RNF150: variants seen among roughly 807,000 people sequenced by gnomAD.
RNF150 encodes the protein ring finger protein 150.
RNF150 carries 24 observed loss-of-function variants against 39.3 expected under a neutral mutation model. The observed-to-expected ratio is 0.61, with a 90% CI of 0.44 to 0.86. RNF150 has a LOEUF of 0.86. Ranked by LOEUF, RNF150 falls within the 40% of genes least tolerant of loss-of-function variation. The probability of loss-of-function intolerance (pLI) is 0.00; values close to 1 mark genes in which losing one functional copy is unlikely to be tolerated. For synonymous variants in RNF150, 255 were observed against 227.3 expected, an observed-to-expected ratio of 1.12 and a Z score of -1.10; for missense variants, 502 against 587.8, an observed-to-expected ratio of 0.85 and a Z score of 1.51.
At chr4:141,134,018 T>G (rs1266479092), upstream of RNF150, among the ~76,000 whole-genome samples, 2 of 152,200 alleles carry the variant, frequency 1.3e-5, no homozygotes, top group African/African-American at 2.4e-5. Context: ...GGTATAACAA[T>G]GGGCTTCCTA....
intron 6 of RNF150, among the ~76,000 whole-genome samples, chr4:140,871,961 G>A (rs373446372): frequency 3.3e-5 from 5 of 151,998 alleles, no homozygotes; most frequent in Admixed American, 6.6e-5. Flanking sequence ...AAAATGGTTC[G>A]GTTTTTATGA....
chr4:140,912,981 A>C (rs1730668670), intron 5 of RNF150, among the ~76,000 whole-genome samples: 1 of 130,390 alleles, frequency 7.7e-6, no homozygotes, highest in African/African-American at 2.8e-5. Context: ...AAAAAAAAAA[A>C]AAACACCATG....
chr4:140,860,414 CTTTT>C lies in RNF150; in HGVS notation c.*7843_*7846del, dbSNP rs977899890. ...CCCATGCAAATGTCATCAGGAGTGACTTTTTTGTGATTTTGGGTCAGATGCTATA... is the reference window on the plus strand; with the variant it reads ...CCCATGCAAATGTCATCAGGAGTGACTTGTGATTTTGGGTCAGATGCTATA... On this transcript the variant is annotated 3_prime_UTR_variant, in exon 7 of 7. Coordinates refer to ENST00000515673, the MANE Select transcript of RNF150 (RefSeq NM_020724.2). The C allele has an allele frequency of 6.6e-6, 1 of 152,054 alleles. No homozygotes were observed. 9.4% of individuals were successfully genotyped at this position (152,054 alleles called of 1,614,324 possible). A position where few individuals can be genotyped will look rare whatever the true frequency, so the allele number is the denominator to read the frequency against.
At chr4:141,086,278 T>C (rs187098367) in intron 1 of RNF150, among the ~76,000 whole-genome samples, 2 of 152,356 alleles carry the variant, frequency 1.3e-5, no homozygotes, top group East Asian at 3.9e-4. Flanking sequence ...TAACATCTCC[T>C]ACTATAAGTA....
intron 6 of RNF150, among the ~76,000 whole-genome samples, chr4:140,910,120 C>A (rs964174291): frequency 6.6e-6 from 1 of 151,952 alleles, no homozygotes; most frequent in Non-Finnish European, 1.5e-5. Flanking sequence ...GTTTTTTCAT[C>A]AGAAAAATAC....
chr4:141,044,470 A>G (rs986895876), intron 1 of RNF150, among the ~76,000 whole-genome samples: 5 of 152,212 alleles, frequency 3.3e-5, no homozygotes, highest in Non-Finnish European at 7.3e-5. Context: ...GCAAACATTA[A>G]TATACAAAAA....
intron 1 of RNF150, among the ~76,000 whole-genome samples, chr4:141,037,606 T>G (rs554483966): frequency 1.3e-4 from 20 of 152,312 alleles, no homozygotes; most frequent in African/African-American, 4.8e-4. Context: ...TTTCATTGTG[T>G]AAACAGAAGC....
intron 5 of RNF150, among the ~76,000 whole-genome samples, chr4:140,912,097 T>G (rs1040356188): frequency 6.6e-6 from 1 of 152,238 alleles, no homozygotes; most frequent in Non-Finnish European, 1.5e-5. Flanking sequence ...AACATAGCAA[T>G]GGGAGCTCTC....
intron 1 of RNF150, among the ~76,000 whole-genome samples, chr4:140,984,023 AGCCCCGT>A: frequency 6.6e-6 from 1 of 152,256 alleles, no homozygotes; most frequent in East Asian, 1.9e-4. Flanking sequence ...TACAGGTGTC[AGCCCCGT>A]GCCCAGCCGT....
intron 1 of RNF150, among the ~76,000 whole-genome samples, chr4:140,998,515 G>T (rs1027840194): frequency 6.6e-6 from 1 of 152,150 alleles, no homozygotes; most frequent in Non-Finnish European, 1.5e-5. Flanking sequence ...TGTTGTTTAG[G>T]CTACCCAGAC....
chr4:141,191,708 T>C (rs1031403845), intron 1 of RNF150, among the ~76,000 whole-genome samples: 1 of 151,826 alleles, frequency 6.6e-6, no homozygotes, highest in Non-Finnish European at 1.5e-5. Flanking sequence ...ATTGATATAT[T>C]ATCTATCTAT....
At chr4:141,098,293 C>T (rs1345074207) in intron 1 of RNF150, among the ~76,000 whole-genome samples, 1 of 152,238 alleles carries the variant, frequency 6.6e-6, no homozygotes, top group African/African-American at 2.4e-5. Flanking sequence ...CTCTTCTGTA[C>T]CCTCCAGCTC....
At chr4:140,976,022 G>A (rs1435587157) in intron 1 of RNF150, among the ~76,000 whole-genome samples, 2 of 152,036 alleles carry the variant, frequency 1.3e-5, no homozygotes, top group African/African-American at 4.8e-5. Flanking sequence ...TAACAGCCCT[G>A]GTGTTAGAAT....
chr4:141,038,819 CT>C (rs1736246585), intron 1 of RNF150, among the ~76,000 whole-genome samples: 1 of 152,140 alleles, frequency 6.6e-6, no homozygotes, highest in Non-Finnish European at 1.5e-5. Flanking sequence ...TGGAGGTTAC[CT>C]TTACTCACCA....
At chr4:141,212,351 C>A (rs9683981) in intron 1 of RNF150, among the ~76,000 whole-genome samples, 1 of 151,982 alleles carries the variant, frequency 6.6e-6, no homozygotes, top group Non-Finnish European at 1.5e-5. Context: ...AACTGCATAC[C>A]GAAGACATCA....
chr4:140,973,464 T>A (rs1388628047), intron 1 of RNF150, among the ~76,000 whole-genome samples: 1 of 152,124 alleles, frequency 6.6e-6, no homozygotes, highest in African/African-American at 2.4e-5. Context: ...AAATTTTTTC[T>A]CTCCTGTGAT....
intron 1 of RNF150, among the ~76,000 whole-genome samples, chr4:141,169,161 C>G (rs1727657845): frequency 6.6e-6 from 1 of 152,052 alleles, no homozygotes; most frequent in South Asian, 2.1e-4. Context: ...TTGTTTAGCC[C>G]CATCCCCTCT....
chr4:140,926,177 G>A, intron 4 of RNF150, 104 bp from the exon 5 acceptor site: 1 of 772,982 alleles, frequency 1.3e-6, no homozygotes. Flanking sequence ...CTCAGTGGCA[G>A]AGCCAAGACT....
intron 1 of RNF150, among the ~76,000 whole-genome samples, chr4:141,088,682 C>A (rs1292675766): frequency 6.9e-6 from 1 of 144,868 alleles, no homozygotes; most frequent in East Asian, 1.9e-4. Context: ...TGCTTTTACA[C>A]ACACACACAC....
Sources: gnomAD v4.1 joint callset for allele counts (sites outside exome capture counted in the v4.1 genomes callset) on GRCh38, gnomAD v4.1.1 for gene constraint, MANE v1.5 for transcripts, NCBI Gene and HGNC (gene_info 2026-07-23, HGNC 2026-07-21) for gene names.